IQGAP2: variants seen among roughly 807,000 people sequenced by gnomAD.
The protein encoded by IQGAP2 is ras GTPase-activating-like protein IQGAP2.
In IQGAP2, 173 loss-of-function variants were observed where a neutral mutation model predicts 201.3. The ratio of observed to expected loss-of-function variants is 0.86; its 90% CI spans 0.76 to 0.98. The LOEUF (loss-of-function observed/expected upper bound fraction) is 0.98. IQGAP2 is among the 50% of genes least tolerant of loss of function. The pLI is 0.00. For missense variants in IQGAP2, 1,687 were observed against 1,864.8 expected (o/e 0.90, Z 1.76); for synonymous variants, 675 against 673.9 (o/e 1.00, Z -0.03).
intron 2 of IQGAP2, among the ~76,000 whole-genome samples, chr5:76,488,551 C>G (rs1178616982): frequency 6.6e-6 from 1 of 152,080 alleles, no homozygotes; most frequent in African/African-American, 2.4e-5. Flanking sequence ...TTCTTCTGAT[C>G]TAAAAACATA....
At chr5:76,585,581 T>C (rs1240858821) in intron 5 of IQGAP2, among the ~76,000 whole-genome samples, 1 of 151,974 alleles carries the variant, frequency 6.6e-6, no homozygotes, top group Non-Finnish European at 1.5e-5. Context: ...TGGTGCAAAT[T>C]CAGCTCACCA....
chr5:76,632,440 G>A (rs962490991), intron 15 of IQGAP2, among the ~76,000 whole-genome samples: 10 of 152,276 alleles, frequency 6.6e-5, no homozygotes, highest in African/African-American at 2.2e-4. Context: ...GAGCCAGCCT[G>A]CAAGGGATCA....
chr5:76,672,043 A>G, intron 24 of IQGAP2, 60 bp downstream of exon 24: 1 of 1,259,550 alleles, frequency 7.9e-7, no homozygotes, highest in South Asian at 1.3e-5. Context: ...TTACATGTGT[A>G]TTTATTGATA....
chr5:76,676,650 A>G (rs1427808252), intron 27 of IQGAP2, among the ~76,000 whole-genome samples: 1 of 152,312 alleles, frequency 6.6e-6, no homozygotes, highest in East Asian at 1.9e-4. Context: ...GTCCTGGGAC[A>G]TGTTATGTAT....
In IQGAP2 at chr5:76,511,960, G is replaced by A. The variant is rs145201507; in HGVS notation, c.146+50291G>A. Among the ~76,000 whole-genome samples, 854 of 152,252 alleles carry A rather than the reference G, an allele frequency of 5.6e-3. 11 individuals are homozygous for A. Among genetic ancestry groups the A allele is most frequent in the African/African-American group, 0.019 (801 of 41,538 alleles). ...CTCCCAAAGTGCTGGGATTACAGGC[G>A]TGAGCCACCGCGCCAGGCCTTAAAT... On this transcript the variant is annotated intron_variant, in intron 2 of 35. Coordinates refer to ENST00000274364, the MANE Select transcript of IQGAP2 (RefSeq NM_006633.5).
At chr5:76,423,216 C>A (rs1391320042) in intron 1 of IQGAP2, among the ~76,000 whole-genome samples, 1 of 152,186 alleles carries the variant, frequency 6.6e-6, no homozygotes, top group African/African-American at 2.4e-5. Flanking sequence ...AATTTTTTGG[C>A]ACAGTGACTG....
intron 1 of IQGAP2, among the ~76,000 whole-genome samples, chr5:76,418,821 G>A (rs574396587): frequency 6.6e-6 from 1 of 152,246 alleles, no homozygotes; most frequent in African/African-American, 2.4e-5. Flanking sequence ...AAAGTAGGGG[G>A]GTGAGTGTGG....
At chr5:76,646,499 A>G (rs1390567132) in intron 17 of IQGAP2, among the ~76,000 whole-genome samples, 1 of 152,246 alleles carries the variant, frequency 6.6e-6, no homozygotes. Flanking sequence ...AGATCCTCGG[A>G]TGATTTTATA....
intron 2 of IQGAP2, among the ~76,000 whole-genome samples, chr5:76,540,590 T>C (rs547428546): frequency 6.6e-6 from 1 of 152,272 alleles, no homozygotes; most frequent in Non-Finnish European, 1.5e-5. Flanking sequence ...TAATCTGGGA[T>C]CCATGAAAGG....
chr5:76,451,745 C>T (rs1753762058), intron 1 of IQGAP2, among the ~76,000 whole-genome samples: 1 of 152,066 alleles, frequency 6.6e-6, no homozygotes, highest in South Asian at 2.1e-4. Context: ...AACATTAAAA[C>T]AAATTTAGGC....
intron 5 of IQGAP2, among the ~76,000 whole-genome samples, chr5:76,582,860 C>T (rs1299536743): frequency 6.6e-6 from 1 of 152,132 alleles, no homozygotes; most frequent in Non-Finnish European, 1.5e-5. Context: ...TTCTTTATTG[C>T]TTCCTGGACT....
In IQGAP2 at chr5:76,498,953, A is replaced by C. The variant is rs185065937; in HGVS notation, c.146+37284A>C. Among the ~76,000 whole-genome samples the C allele has an allele frequency of 2.0e-4, 30 of 152,352 alleles. 2 individuals carry two copies. In the East Asian group the frequency reaches 5.4e-3, roughly 27 times the overall value. The stretch of plus-strand genomic sequence containing the variant: ...GATGAGGGGCTTTGCCCGCAAGAGG[A>C]TGAAAAGAAAATAGTAGAAACAGGA... On this transcript the variant is annotated intron_variant, in intron 2 of 35. Transcript: ENST00000274364.
chr5:76,405,813 G>A lies in IQGAP2; in HGVS notation c.46+2222G>A, dbSNP rs527277209. Among the ~76,000 whole-genome samples, 135 of 152,250 alleles carry A rather than the reference G, an allele frequency of 8.9e-4. 1 individual carries two copies. Among genetic ancestry groups the A allele is most frequent in the Admixed American group, 4.3e-3 (65 of 15,292 alleles). ...GATAACACAGGATTGTCCTTGCTCT[G>A]TTGTGTTCTAGGGCTGTGCTTTTTC... On this transcript the variant is annotated intron_variant, in intron 1 of 35. Transcript: ENST00000274364.
intron 2 of IQGAP2, among the ~76,000 whole-genome samples, chr5:76,559,840 GT>G (rs1018821684): frequency 7.2e-5 from 11 of 152,108 alleles, no homozygotes; most frequent in African/African-American, 2.4e-4. Context: ...TGGCTACATA[GT>G]CCCCACTGAG....
intron 14 of IQGAP2, among the ~76,000 whole-genome samples, chr5:76,628,037 G>A (rs2431356): frequency 0.93 from 142,063 of 152,220 alleles, 66,545 homozygotes; most frequent in Middle Eastern, 0.97. Flanking sequence ...CCCTCAATCA[G>A]TTCCCAGAAT....
At chr5:76,434,590 A>C (rs1032090528) in intron 1 of IQGAP2, among the ~76,000 whole-genome samples, 1 of 152,004 alleles carries the variant, frequency 6.6e-6, no homozygotes, top group Non-Finnish European at 1.5e-5. Context: ...TTATCCACTT[A>C]TTGGTCAATG....
In IQGAP2 at chr5:76,481,336, C is replaced by A. The variant is rs1325302283; in HGVS notation, c.146+19667C>A. ...AATAATTTTAATGTATTTTATTTAA[C>A]CTAGTATATCCCAAACGTCATTTTA... is the stretch of plus-strand genomic sequence containing the variant. On this transcript the variant is annotated intron_variant, in intron 2 of 35. Coordinates refer to ENST00000274364, the MANE Select transcript of IQGAP2 (RefSeq NM_006633.5). 2.0e-5 allele frequency among the ~76,000 whole-genome samples: 3 copies of A among 152,130 alleles called. No individual in the cohort carries two copies. The East Asian group carries it at 5.8e-4, about 29-fold the overall frequency.
At chr5:76,528,768 T>G (rs1000854781) in intron 2 of IQGAP2, among the ~76,000 whole-genome samples, 1 of 152,214 alleles carries the variant, frequency 6.6e-6, no homozygotes, top group Admixed American at 6.5e-5. Flanking sequence ...GCCTAGTGCA[T>G]GCCATTTAGA....
intron 3 of IQGAP2, among the ~76,000 whole-genome samples, chr5:76,564,265 A>AT (rs1196037321): frequency 2.0e-5 from 3 of 152,216 alleles, no homozygotes; most frequent in Non-Finnish European, 4.4e-5. Context: ...ATTAGTCCAC[A>AT]TTTTAGACTA....
Sources: allele counts gnomAD v4.1 joint callset (sites outside exome capture counted in the v4.1 genomes callset), GRCh38; gene constraint gnomAD v4.1.1; transcripts MANE v1.5; gene names NCBI Gene and HGNC (gene_info 2026-07-23, HGNC 2026-07-21).